MTUS2: variants seen among roughly 807,000 people sequenced by gnomAD.
MTUS2 encodes microtubule associated scaffold protein 2.
A neutral mutation model predicts 114.1 loss-of-function variants in MTUS2; 40 were observed. That is an observed-to-expected ratio of 0.35 (90% CI 0.27 to 0.46). The LOEUF is 0.46. Ranked by LOEUF, MTUS2 falls within the 20% of genes least tolerant of loss-of-function variation. The pLI is 1.00. For synonymous variants in MTUS2, 688 were observed against 672.0 expected (o/e 1.02, Z -0.37); for missense variants, 1,679 against 1,705.4 (o/e 0.98, Z 0.27).
At chr13:29,443,341 T>C (rs1305408873) in intron 9 of MTUS2, among the ~76,000 whole-genome samples, 2 of 152,178 alleles carry the variant, frequency 1.3e-5, no homozygotes, top group East Asian at 3.8e-4. Context: ...CCTGATGCAA[T>C]TGGGTTGGGT....
intron 6 of MTUS2, among the ~76,000 whole-genome samples, chr13:29,287,976 CA>C (rs1219100831): frequency 1.3e-5 from 2 of 152,214 alleles, no homozygotes; most frequent in Non-Finnish European, 2.9e-5. Context: ...CAGTCCTGGT[CA>C]GGAGGCTGCA....
intron 2 of MTUS2, among the ~76,000 whole-genome samples, chr13:29,005,426 G>T (rs1379976771): frequency 6.6e-6 from 1 of 152,304 alleles, no homozygotes; most frequent in African/African-American, 2.4e-5. Context: ...GTTCTGTTGA[G>T]TGTCTGTTAC....
Position 28,945,825 on chromosome 13 carries a change from G to A in MTUS2, c.-242-78632G>A, listed in dbSNP as rs112554440. Among the ~76,000 whole-genome samples the A allele has an allele frequency of 8.6e-3, 1,308 of 152,256 alleles. 22 individuals carry two copies. The highest frequency in any genetic ancestry group is 0.029 in the African/African-American group (1,192 of 41,562). On this transcript the variant is annotated intron_variant, in intron 2 of 15. Transcript: ENST00000612955. ...TGACTATATAGAAACTTTATAGTGT[G>A]AGTCCCATTTTTCTATTTTGTTTTT...
chr13:28,868,358 A>T (rs1388939021), intron 2 of MTUS2, among the ~76,000 whole-genome samples: 1 of 152,186 alleles, frequency 6.6e-6, no homozygotes, highest in Non-Finnish European at 1.5e-5. Context: ...GTCAGTGGCA[A>T]CACTGGTGTT....
intron 8 of MTUS2, among the ~76,000 whole-genome samples, chr13:29,361,448 G>T (rs535812506): frequency 6.6e-6 from 1 of 152,244 alleles, no homozygotes; most frequent in Admixed American, 6.5e-5. Flanking sequence ...AGAAAAAACA[G>T]AAGATAAAAT....
chr13:29,386,519 C>G (rs1267721417), intron 8 of MTUS2, among the ~76,000 whole-genome samples: 1 of 152,108 alleles, frequency 6.6e-6, no homozygotes, highest in Non-Finnish European at 1.5e-5. Flanking sequence ...AATGAGTTAG[C>G]CAGATTCTTG....
intron 1 of MTUS2, among the ~76,000 whole-genome samples, chr13:28,825,511 A>G (rs1351285291): frequency 6.6e-6 from 1 of 152,096 alleles, no homozygotes; most frequent in East Asian, 1.9e-4. Context: ...AGGGGAAATT[A>G]CTCAGTCATT....
At chr13:28,939,462 A>ATAC (rs1472702785) in intron 2 of MTUS2, among the ~76,000 whole-genome samples, 1 of 152,200 alleles carries the variant, frequency 6.6e-6, no homozygotes, top group African/African-American at 2.4e-5. Flanking sequence ...GCTTTTTGCA[A>ATAC]TACTAATTGT....
At chr13:29,218,773 A>G (rs1239804017) in intron 5 of MTUS2, among the ~76,000 whole-genome samples, 3 of 152,216 alleles carry the variant, frequency 2.0e-5, no homozygotes, top group African/African-American at 7.2e-5. Context: ...AGATCTCAAC[A>G]GTGGACTTAA....
chr13:29,253,888 G>T (rs966311454), intron 5 of MTUS2, among the ~76,000 whole-genome samples: 2 of 152,118 alleles, frequency 1.3e-5, no homozygotes, highest in African/African-American at 4.8e-5. Context: ...CAGATTTCAT[G>T]AGACATATTC....
At chr13:29,272,678 A>G (rs1464346083) in intron 5 of MTUS2, among the ~76,000 whole-genome samples, 1 of 152,178 alleles carries the variant, frequency 6.6e-6, no homozygotes, top group African/African-American at 2.4e-5. Flanking sequence ...AGTGACCTAT[A>G]AAACTACCTT....
At chr13:29,477,234 A>G (rs544759685) in intron 9 of MTUS2, among the ~76,000 whole-genome samples, 5 of 152,108 alleles carry the variant, frequency 3.3e-5, no homozygotes, top group East Asian at 1.9e-4. Context: ...CAATCTGTCA[A>G]TCACCGTTTT....
chr13:29,327,035 C>A (rs1257000253), intron 7 of MTUS2, among the ~76,000 whole-genome samples: 1 of 151,726 alleles, frequency 6.6e-6, no homozygotes, highest in Non-Finnish European at 1.5e-5. Flanking sequence ...GACTGTGTTC[C>A]CTTATTAAAC....
At chr13:28,972,517 C>T (rs1883901843) in intron 2 of MTUS2, among the ~76,000 whole-genome samples, 1 of 152,080 alleles carries the variant, frequency 6.6e-6, no homozygotes, top group Non-Finnish European at 1.5e-5. Flanking sequence ...TGTTCAGAAA[C>T]CCAAAACAAT....
chr13:29,094,292 T>G lies in MTUS2; in HGVS notation c.2447-6481T>G, dbSNP rs1010253576. 2.6e-5 allele frequency among the ~76,000 whole-genome samples: 4 copies of G among 152,042 alleles called. No individual in the cohort carries two copies. In the South Asian group the frequency reaches 8.3e-4, roughly 32 times the overall value. On this transcript the variant is annotated intron_variant, in intron 4 of 15. Transcript: ENST00000612955. ...TAATTCATATTAATTCTTCTTTAAA[T>G]GTTTGATAGAATTCACTAATGACAT...
At chr13:28,882,464 C>A (rs1878350345) in intron 2 of MTUS2, among the ~76,000 whole-genome samples, 1 of 152,152 alleles carries the variant, frequency 6.6e-6, no homozygotes, top group Non-Finnish European at 1.5e-5. Flanking sequence ...GAGCTTGGTG[C>A]AATGGCTCAC....
chr13:29,327,226 A>G (rs1349644409), intron 7 of MTUS2, among the ~76,000 whole-genome samples: 4 of 152,220 alleles, frequency 2.6e-5, no homozygotes, highest in African/African-American at 9.6e-5. Context: ...TGTAAAACAT[A>G]TCTATTGTGG....
chr13:29,503,187 T>G lies in MTUS2; in HGVS notation c.4091T>G (p.Val1364Gly). 3 of 1,613,804 alleles carry G rather than the reference T, an allele frequency of 1.9e-6. No individual in the cohort carries two copies. Among genetic ancestry groups the G allele is most frequent in the Non-Finnish European group, 2.5e-6 (3 of 1,179,984 alleles). The change falls in exon 16 of 16, where the codon GTC becomes GGC. Residue 1364 changes from valine to glycine, a missense_variant. Physicochemically the swap from Val to Gly is moderately radical, Grantham distance 109 (BLOSUM62 -3). Around this residue, in one of 3 missense-constraint regions of MTUS2, gnomAD observed 822 missense variants for 899.7 expected, o/e 0.91. Transcript: ENST00000612955. ...SSSGPSSPAR[V>G]STTPR ...TCGGGGCCCTCCTCTCCGGCCAGAG[T>G]CAGCACAACACCCAGATGACGCCAC...
At chr13:28,852,631 G>A (rs894206277) in intron 2 of MTUS2, among the ~76,000 whole-genome samples, 3 of 152,110 alleles carry the variant, frequency 2.0e-5, no homozygotes, top group South Asian at 2.1e-4. Flanking sequence ...TTGGGAGGTC[G>A]AGGTGGGTGG....
Sources: gnomAD v4.1 joint callset for allele counts (sites outside exome capture counted in the v4.1 genomes callset) on GRCh38, gnomAD v4.1.1 for gene constraint, gnomAD v4.1.1 regional missense constraint, MANE v1.5 for transcripts, NCBI Gene and HGNC (gene_info 2026-07-23, HGNC 2026-07-21) for gene names.